FBRSL1: variants seen among roughly 807,000 people sequenced by gnomAD.
FBRSL1 encodes the protein fibrosin like 1, also known as fibrosin-1-like protein.
A neutral mutation model predicts 89.6 loss-of-function variants in FBRSL1; 51 were observed. The observed-to-expected ratio is 0.57, with a 90% CI of 0.45 to 0.72. The LOEUF (loss-of-function observed/expected upper bound fraction) is 0.72. FBRSL1 is among the 30% of genes least tolerant of loss of function. FBRSL1 has a pLI of 0.00. For synonymous variants in FBRSL1, 779 were observed against 681.1 expected (o/e 1.14, Z -2.24); for missense variants, 1,618 against 1,451.8 (o/e 1.11, Z -1.86).
chr12:132,502,994 G>A (rs1428054767), intron 1 of FBRSL1, among the ~76,000 whole-genome samples: 4 of 151,746 alleles, frequency 2.6e-5, no homozygotes, highest in African/African-American at 9.7e-5. Context: ...CTGGGTCTCC[G>A]ACTTGTCTGC....
intron 1 of FBRSL1, among the ~76,000 whole-genome samples, chr12:132,498,677 C>A (rs897930083): frequency 1.3e-5 from 2 of 152,198 alleles, no homozygotes; most frequent in Non-Finnish European, 2.9e-5. Flanking sequence ...GCACAGGGCC[C>A]CCCATCCTGG....
At chr12:132,510,419 G>A in intron 2 of FBRSL1, 1 of 1,232,084 alleles carries the variant, frequency 8.1e-7, no homozygotes, top group Non-Finnish European at 1.0e-6. Context: ...TGGCCCGTCA[G>A]GCCCCATCTG....
chr12:132,536,902 T>G (rs1347562370), intron 4 of FBRSL1, among the ~76,000 whole-genome samples: 1 of 152,262 alleles, frequency 6.6e-6, no homozygotes, highest in African/African-American at 2.4e-5. Context: ...TGTGTGTACG[T>G]AACGGTGTCT....
At chr12:132,518,267 C>T (rs2035025053) in intron 2 of FBRSL1, among the ~76,000 whole-genome samples, 2 of 151,990 alleles carry the variant, frequency 1.3e-5, no homozygotes, top group Admixed American at 1.3e-4. Flanking sequence ...TCCATCCATC[C>T]ACCCATGCAT....
chr12:132,525,001 C>T (rs921897299), intron 2 of FBRSL1, among the ~76,000 whole-genome samples: 18 of 149,332 alleles, frequency 1.2e-4, no homozygotes, highest in East Asian at 8.1e-4. Context: ...GCAAAGCGCC[C>T]GGGCCAGGCC....
At chr12:132,532,948 G>A (rs146601076) in intron 4 of FBRSL1, among the ~76,000 whole-genome samples, 29 of 152,322 alleles carry the variant, frequency 1.9e-4, no homozygotes, top group African/African-American at 4.8e-4. Flanking sequence ...GCCAGGGCCC[G>A]ATACAGGCGC....
At position 132,576,857 on chromosome 12, in the gene FBRSL1, G is replaced by C. The variant is rs752729238; in HGVS notation, c.1760G>C (p.Arg587Thr). 2 of 1,550,988 alleles carry C rather than the reference G, an allele frequency of 1.3e-6. No individual in the cohort carries two copies. The highest frequency in any genetic ancestry group is 2.4e-5 in the South Asian group (2 of 84,026). The change falls in exon 15 of 19, where the codon AGA (arginine) becomes ACA (threonine). Residue 587 changes from arginine (R) to threonine (T), a missense_variant. Transcript: ENST00000680143. ...EVGAKLDLFGRPPAPGVFAGF... is the reference protein window; with the variant it reads ...EVGAKLDLFGTPPAPGVFAGF... Reference sequence around the variant, plus strand: ...GGTGCAAAGCTGGACCTGTTCGGCAGACCCCCTGCCCCGGGCGTGTTTGCA... The same window carrying C: ...GGTGCAAAGCTGGACCTGTTCGGCACACCCCCTGCCCCGGGCGTGTTTGCA...
At chr12:132,565,074 C>G (rs1227982401) in intron 5 of FBRSL1, 1 of 152,244 alleles carries the variant, frequency 6.6e-6, no homozygotes, top group African/African-American at 2.4e-5. Context: ...CCCCCATCTC[C>G]CAGCACCCAG....
chr12:132,549,074 C>A (rs754015098), intron 5 of FBRSL1, among the ~76,000 whole-genome samples: 1 of 152,014 alleles, frequency 6.6e-6, no homozygotes, highest in Non-Finnish European at 1.5e-5. Flanking sequence ...GAGTCAGTGG[C>A]GGTGGCCGGG....
chr12:132,550,203 G>C (rs1409340639), intron 5 of FBRSL1, among the ~76,000 whole-genome samples: 1 of 152,198 alleles, frequency 6.6e-6, no homozygotes, highest in Non-Finnish European at 1.5e-5. Flanking sequence ...GAGGACAGCA[G>C]GGGAGGGAGA....
Position 132,508,168 on chromosome 12 carries a change from A to C in FBRSL1, c.307A>C (p.Lys103Gln), listed in dbSNP as rs950706450. Reference sequence around the variant, plus strand: ...CTCCCTGCAGAAGGATATGGCCCTGAAGCCACATGAGCGGAAGGAGAAGTG... The same window carrying C: ...CTCCCTGCAGAAGGATATGGCCCTGCAGCCACATGAGCGGAAGGAGAAGTG... ...LEALEKDMALKPHERKEKWER... is the reference protein window; with the variant it reads ...LEALEKDMALQPHERKEKWER... Residue 103 changes from lysine (K) to glutamine (Q), a missense_variant, in exon 2 of 19, where the codon AAG becomes CAG. By Grantham distance (53) the Lys-to-Gln change is moderately conservative (BLOSUM62 1). Coordinates refer to ENST00000680143, the MANE Select transcript of FBRSL1 (RefSeq NM_001367871.1). The C allele has an allele frequency of 1.9e-6, 3 of 1,551,136 alleles. No individual in the cohort carries two copies. Among genetic ancestry groups the C allele is most frequent in the Non-Finnish European group, 1.7e-6 (2 of 1,146,914 alleles).
chr12:132,539,856 C>T (rs1439531533), intron 4 of FBRSL1, among the ~76,000 whole-genome samples: 1 of 33,824 alleles, frequency 3.0e-5, no homozygotes, highest in Non-Finnish European at 5.5e-5. Context: ...CTCCCAGCCC[C>T]GTGCCCCACC....
intron 2 of FBRSL1, among the ~76,000 whole-genome samples, chr12:132,522,860 G>A (rs923083941): frequency 4.6e-5 from 7 of 152,008 alleles, no homozygotes; most frequent in Admixed American, 2.0e-4. Context: ...CTTTCCCCCC[G>A]CACCTGCCGC....
intron 1 of FBRSL1, among the ~76,000 whole-genome samples, chr12:132,503,772 A>G (rs766429245): frequency 7.2e-5 from 11 of 152,208 alleles, no homozygotes; most frequent in South Asian, 2.1e-4. Context: ...GGGTTTGCAC[A>G]CAGACTGAAC....
chr12:132,505,853 A>C (rs1035390778), intron 1 of FBRSL1, among the ~76,000 whole-genome samples: 1 of 152,194 alleles, frequency 6.6e-6, no homozygotes, highest in African/African-American at 2.4e-5. Context: ...TACCTTTCCC[A>C]CCGTCTTAAG....
At chr12:132,548,137 T>C in intron 5 of FBRSL1, 105 bp downstream of exon 5, 1 of 1,383,904 alleles carries the variant, frequency 7.2e-7, no homozygotes, top group Non-Finnish European at 1.0e-6. Context: ...AGATCGGGCC[T>C]TGGGGGGATC....
chr12:132,546,547 G>A lies in FBRSL1; in HGVS notation c.616-1456G>A, dbSNP rs1006792349. ...GAGAGGGCTTGGCCACGGCTGAAAG[G>A]CCAGACCGGGGGGACCCTAGGAGAG... is the stretch of plus-strand genomic sequence containing the variant. On this transcript the variant is annotated intron_variant, in intron 4 of 18. Transcript: ENST00000680143. The surrounding 1 kb of genome is among the most constrained non-coding windows in gnomAD (Gnocchi z 4.0). Among the ~76,000 whole-genome samples the A allele has an allele frequency of 6.6e-6, 1 of 151,954 alleles. No individual in the cohort carries two copies. Among genetic ancestry groups the A allele is most frequent in the Admixed American group, 6.5e-5 (1 of 15,276 alleles).
Position 132,571,201 on chromosome 12 carries a change from C to T in FBRSL1, c.1347C>T (p.Pro449=), listed in dbSNP as rs1458092802. The T allele has an allele frequency of 1.9e-5, 28 of 1,438,096 alleles. No homozygotes were observed. Among genetic ancestry groups the T allele is most frequent in the South Asian group, 2.9e-5 (2 of 68,918 alleles). The allele number at this position is 1,438,096 out of a possible 1,614,324, so 89.1% of individuals were successfully genotyped here. The change falls in exon 9 of 19, where the codon CCC becomes CCT. Residue 449 remains proline (P), a synonymous_variant. Coordinates refer to ENST00000680143, the MANE Select transcript of FBRSL1 (RefSeq NM_001367871.1). Reference sequence around the variant, plus strand: ...GCCCGCACGTGGCGAGCGGCCACCCCGGCTTGGCCTGCCGACCCCGGGAGT... The same window carrying T: ...GCCCGCACGTGGCGAGCGGCCACCCTGGCTTGGCCTGCCGACCCCGGGAGT... The part of the protein sequence containing the change: ...PLGPHVASGH[P]GLACRPRECQ...
chr12:132,507,310 C>A, intron 1 of FBRSL1: 1 of 985,536 alleles, frequency 1.0e-6, no homozygotes, highest in South Asian at 4.7e-5. Flanking sequence ...GGCCGGCTGG[C>A]TCCTCTGGAC....
Sources: allele counts gnomAD v4.1 joint callset (sites outside exome capture counted in the v4.1 genomes callset), GRCh38; gene constraint gnomAD v4.1.1; non-coding constraint Gnocchi (gnomAD v3.1); transcripts MANE v1.5; gene names NCBI Gene and HGNC (gene_info 2026-07-23, HGNC 2026-07-21).